Variants in TAFA2 observed in about 807,000 individuals in gnomAD.
TAFA2 encodes the protein chemokine-like protein TAFA-2.
A neutral mutation model predicts 18.8 loss-of-function variants in TAFA2; 7 were observed. The observed-to-expected ratio is 0.37, with a 90% confidence interval of 0.21 to 0.70. The LOEUF (loss-of-function observed/expected upper bound fraction) is 0.70, where lower values mean the gene tolerates loss of function less well. Among genes scored for constraint, TAFA2 ranks in the 30% least tolerant of loss-of-function variants. TAFA2 has a pLI of 0.53. For missense variants in TAFA2, 122 were observed against 158.1 expected (o/e 0.77, Z 1.23); for synonymous variants, 60 against 54.2 (o/e 1.11, Z -0.47).
intron 1 of TAFA2, among the ~76,000 whole-genome samples, chr12:62,043,441 C>T (rs772935176): frequency 6.8e-6 from 1 of 146,486 alleles, no homozygotes; most frequent in East Asian, 2.2e-4. Context: ...GGAAGGGGAA[C>T]ATCACACTCC....
At chr12:62,124,024 G>C (rs758136362) in intron 1 of TAFA2, among the ~76,000 whole-genome samples, 1 of 152,140 alleles carries the variant, frequency 6.6e-6, no homozygotes, top group Admixed American at 6.6e-5. Flanking sequence ...AAACAGAAAA[G>C]ATTTAGAAGT....
chr12:61,958,806 C>A (rs1260974389), intron 1 of TAFA2, among the ~76,000 whole-genome samples: 1 of 151,906 alleles, frequency 6.6e-6, no homozygotes, highest in African/African-American at 2.4e-5. Context: ...CTAAGTAAAA[C>A]CCATTATTTT....
chr12:61,894,614 G>A (rs1875765024), intron 1 of TAFA2, among the ~76,000 whole-genome samples: 1 of 152,114 alleles, frequency 6.6e-6, no homozygotes, highest in South Asian at 2.1e-4. Flanking sequence ...AAGTCCTGGT[G>A]ATATTCATAC....
intron 1 of TAFA2, among the ~76,000 whole-genome samples, chr12:62,032,753 G>A (rs1051938253): frequency 7.9e-5 from 12 of 152,166 alleles, no homozygotes; most frequent in East Asian, 1.9e-4. Flanking sequence ...TATGGGCATC[G>A]AGAGTGTTGT....
chr12:62,049,519 G>C (rs1202889308), intron 1 of TAFA2, among the ~76,000 whole-genome samples: 1 of 152,116 alleles, frequency 6.6e-6, no homozygotes, highest in Non-Finnish European at 1.5e-5. Context: ...GCACATAGTG[G>C]GGAGAGCAAC....
Position 61,851,935 on chromosome 12 carries a change from C to T in TAFA2, c.106+15385G>A, listed in dbSNP as rs374251063. Among the ~76,000 whole-genome samples the T allele has an allele frequency of 1.7e-3, 260 of 151,344 alleles. 4 individuals carry two copies. In the South Asian group the frequency reaches 0.018, roughly 10 times the overall value. On this transcript the variant is annotated intron_variant, in intron 2 of 4. Coordinates refer to ENST00000416284, the MANE Select transcript of TAFA2 (RefSeq NM_178539.5). ...TTTTGGATAAAAGACAAGCCGGGCA[C>T]GGTGGCTCACGCCTGTAATCCCAGC...
chr12:61,794,306 A>G (rs961718130), intron 2 of TAFA2, among the ~76,000 whole-genome samples: 2 of 152,052 alleles, frequency 1.3e-5, no homozygotes, highest in Admixed American at 1.3e-4. Flanking sequence ...ACCATAAGCA[A>G]TCTACAAAAA....
chr12:62,098,723 T>A (rs1008851385), intron 1 of TAFA2, among the ~76,000 whole-genome samples: 15 of 152,066 alleles, frequency 9.9e-5, no homozygotes, highest in Non-Finnish European at 2.2e-4. Flanking sequence ...AATACTCAAA[T>A]CCTTAAGAAT....
intron 1 of TAFA2, among the ~76,000 whole-genome samples, chr12:62,094,853 C>T (rs368230548): frequency 6.6e-6 from 1 of 151,974 alleles, no homozygotes; most frequent in Non-Finnish European, 1.5e-5. Context: ...AACTACTGCA[C>T]TCCATTCTGA....
intron 2 of TAFA2, among the ~76,000 whole-genome samples, chr12:61,864,615 T>C (rs2121210711): frequency 6.6e-6 from 1 of 151,188 alleles, no homozygotes; most frequent in South Asian, 2.1e-4. Context: ...CTACTAAAAA[T>C]ACAAAAAATT....
chr12:62,082,302 A>G (rs1440101638), intron 1 of TAFA2, among the ~76,000 whole-genome samples: 6 of 152,158 alleles, frequency 3.9e-5, no homozygotes, highest in Non-Finnish European at 8.8e-5. Context: ...TCCTTTGGGT[A>G]TATACCAGTA....
At chr12:62,028,609 G>A (rs747078993) in intron 1 of TAFA2, among the ~76,000 whole-genome samples, 1 of 152,144 alleles carries the variant, frequency 6.6e-6, no homozygotes, top group South Asian at 2.1e-4. Context: ...TTACAAGTAA[G>A]TTCACACAAA....
rs139337857 is a variant in TAFA2, at chr12:61,968,257, G to A, written c.-1-100831C>T. 3.2e-3 allele frequency among the ~76,000 whole-genome samples: 485 copies of A among 151,600 alleles called. 1 individual carries two copies. The highest frequency in any genetic ancestry group is 0.011 in the African/African-American group (441 of 41,408). Reference sequence around the variant, plus strand: ...TGTCATGCTATTTTACCTACATAGCGTATCTTCCATACCGCTCTACAAGCA... The same window carrying A: ...TGTCATGCTATTTTACCTACATAGCATATCTTCCATACCGCTCTACAAGCA... On this transcript the variant is annotated intron_variant, in intron 1 of 4. Transcript: ENST00000416284.
chr12:61,783,320 C>T (rs1565632188), intron 2 of TAFA2, among the ~76,000 whole-genome samples: 1 of 151,678 alleles, frequency 6.6e-6, no homozygotes, highest in East Asian at 1.9e-4. Flanking sequence ...AAGAAAACTT[C>T]ATACGAATAG....
intron 2 of TAFA2, among the ~76,000 whole-genome samples, chr12:61,805,034 C>T (rs2029863322): frequency 6.6e-6 from 1 of 151,798 alleles, no homozygotes; most frequent in African/African-American, 2.4e-5. Context: ...AGCTTAAAAC[C>T]ATAATTAGTA....
chr12:61,758,553 G>A (rs1414601968), intron 2 of TAFA2, among the ~76,000 whole-genome samples: 3 of 151,868 alleles, frequency 2.0e-5, no homozygotes, highest in African/African-American at 4.8e-5. Flanking sequence ...GAGAAGATAA[G>A]GTAGTTTCTT....
intron 1 of TAFA2, among the ~76,000 whole-genome samples, chr12:62,050,072 G>A (rs1432308313): frequency 1.3e-5 from 2 of 152,154 alleles, no homozygotes; most frequent in Non-Finnish European, 2.9e-5. Context: ...TGGGTGTAGA[G>A]TAACATTCCT....
At chr12:61,889,354 C>T (rs1408316011) in intron 1 of TAFA2, among the ~76,000 whole-genome samples, 1 of 152,184 alleles carries the variant, frequency 6.6e-6, no homozygotes, top group Non-Finnish European at 1.5e-5. Flanking sequence ...CTCTTAGAAT[C>T]TGTTCTGCGT....
intron 1 of TAFA2, chr12:62,021,933 C>G (rs1328942788): frequency 1.4e-6 from 1 of 725,442 alleles, no homozygotes; most frequent in African/African-American, 1.7e-5. Context: ...TGAATTGCAA[C>G]ACACCATGGC....
Sources: allele counts gnomAD v4.1 joint callset (sites outside exome capture counted in the v4.1 genomes callset), GRCh38; gene constraint gnomAD v4.1.1; transcripts MANE v1.5; gene names NCBI Gene and HGNC (gene_info 2026-07-23, HGNC 2026-07-21).